MATCAP2: variants seen among roughly 807,000 people sequenced by gnomAD.
The protein encoded by MATCAP2 is putative tyrosine carboxypeptidase MATCAP2.
the MATCAP2 span, among the ~76,000 whole-genome samples, chr7:36,381,742 A>C: frequency 1.3e-5 from 2 of 151,826 alleles, no homozygotes; most frequent in African/African-American, 2.4e-5. Flanking sequence ...ACATTTCTTG[A>C]GGGCCTATTA....
At chr7:36,367,211 A>T in the MATCAP2 span, 9 of 1,162,336 alleles carry the variant, frequency 7.7e-6, no homozygotes, top group South Asian at 4.4e-5. Flanking sequence ...TGCCACCGTG[A>T]CGTAGCCGCT....
chr7:36,327,138 T>C, the MATCAP2 span, among the ~76,000 whole-genome samples: 3 of 152,128 alleles, frequency 2.0e-5, no homozygotes, highest in Non-Finnish European at 4.4e-5. Context: ...AAAAGAGTAT[T>C]ATTATTATTT....
chr7:36,361,305 A>C, the MATCAP2 span, among the ~76,000 whole-genome samples: 1 of 152,200 alleles, frequency 6.6e-6, no homozygotes, highest in Admixed American at 6.5e-5. Flanking sequence ...GCTCTCTAAA[A>C]GTAGTGTTTC....
the MATCAP2 span, among the ~76,000 whole-genome samples, chr7:36,344,367 G>C: frequency 6.6e-6 from 1 of 152,212 alleles, no homozygotes; most frequent in African/African-American, 2.4e-5. Flanking sequence ...TTAATGATAT[G>C]AGAAAATGTT....
chr7:36,384,869 A>G, the MATCAP2 span, among the ~76,000 whole-genome samples: 2 of 152,188 alleles, frequency 1.3e-5, no homozygotes, highest in Non-Finnish European at 1.5e-5. Flanking sequence ...GAAAAGAAAA[A>G]AAAAAAAAGG....
the MATCAP2 span, among the ~76,000 whole-genome samples, chr7:36,378,511 A>G: frequency 1.3e-5 from 2 of 152,058 alleles, no homozygotes; most frequent in Non-Finnish European, 2.9e-5. Flanking sequence ...GTGTCAGTTG[A>G]CCCCTACTGG....
chr7:36,327,072 T>C, the MATCAP2 span, among the ~76,000 whole-genome samples: 2 of 152,360 alleles, frequency 1.3e-5, no homozygotes, highest in African/African-American at 4.8e-5. Flanking sequence ...ACTTACATTT[T>C]CTTCACTGTG....
the MATCAP2 span, among the ~76,000 whole-genome samples, chr7:36,363,754 A>T: frequency 1.3e-5 from 2 of 152,222 alleles, no homozygotes; most frequent in Non-Finnish European, 2.9e-5. Context: ...TTATCTGTAA[A>T]ATGGGATAAT....
chr7:36,367,326 G>C, the MATCAP2 span: 1 of 1,002,794 alleles, frequency 1.0e-6, no homozygotes, highest in Admixed American at 6.0e-5. Flanking sequence ...CGGGCGGCGA[G>C]AGAGAGTGGG....
chr7:36,379,791 G>A, the MATCAP2 span, among the ~76,000 whole-genome samples: 1 of 141,510 alleles, frequency 7.1e-6, no homozygotes, highest in African/African-American at 2.6e-5. Context: ...AATACTGGAG[G>A]TAATTGTAAC....
At chr7:36,362,257 T>C in the MATCAP2 span, among the ~76,000 whole-genome samples, 63 of 152,350 alleles carry the variant, frequency 4.1e-4, no homozygotes, top group Admixed American at 4.1e-3. Context: ...TAGCAACCAA[T>C]GTAGTTTATC....
the MATCAP2 span, among the ~76,000 whole-genome samples, chr7:36,346,904 G>A: frequency 6.6e-6 from 1 of 152,098 alleles, no homozygotes; most frequent in African/African-American, 2.4e-5. Flanking sequence ...AGGATTATAG[G>A]TGCCCGCCAC....
chr7:36,375,164 A>G, the MATCAP2 span, among the ~76,000 whole-genome samples: 1 of 152,166 alleles, frequency 6.6e-6, no homozygotes, highest in Admixed American at 6.5e-5. Context: ...CAACAGTGTA[A>G]AAGCGTTCCT....
the MATCAP2 span, among the ~76,000 whole-genome samples, chr7:36,343,133 A>G: frequency 6.6e-6 from 1 of 151,710 alleles, no homozygotes; most frequent in Non-Finnish European, 1.5e-5. Context: ...ATTCTGCAGG[A>G]AACCAATAAA....
the MATCAP2 span, among the ~76,000 whole-genome samples, chr7:36,385,628 T>G: frequency 6.6e-6 from 1 of 151,580 alleles, no homozygotes. Flanking sequence ...CTACAAAAAA[T>G]TTTAAAAAGT....
At chr7:36,373,647 T>C in the MATCAP2 span, among the ~76,000 whole-genome samples, 1 of 152,162 alleles carries the variant, frequency 6.6e-6, no homozygotes, top group Non-Finnish European at 1.5e-5. Context: ...GGTCTCACTA[T>C]GTTGCCTAGA....
the MATCAP2 span, among the ~76,000 whole-genome samples, chr7:36,371,098 ATTTAT>A: frequency 1.1e-3 from 172 of 152,150 alleles, no homozygotes; most frequent in African/African-American, 3.9e-3. Context: ...TAAAGAACGT[ATTTAT>A]TTTATTTCAT....
At chr7:36,341,513 C>A in the MATCAP2 span, among the ~76,000 whole-genome samples, 8 of 152,138 alleles carry the variant, frequency 5.3e-5, no homozygotes, top group African/African-American at 1.9e-4. Flanking sequence ...GAAATCCTAA[C>A]CCCCAAGGTG....
At chr7:36,369,090 A>G in the MATCAP2 span, among the ~76,000 whole-genome samples, 5 of 152,256 alleles carry the variant, frequency 3.3e-5, no homozygotes, top group Admixed American at 2.6e-4. Context: ...AAATTTCCAC[A>G]AGTGCAGTGA....
Sources: gnomAD v4.1 joint callset for allele counts (sites outside exome capture counted in the v4.1 genomes callset) on GRCh38, gnomAD v4.1.1 for gene constraint, MANE v1.5 for transcripts, NCBI Gene and HGNC (gene_info 2026-07-23, HGNC 2026-07-21) for gene names.